LINGO2: variants seen among roughly 807,000 people sequenced by gnomAD.
LINGO2 encodes the protein leucine rich repeat and Ig domain containing 2.
A neutral mutation model predicts 30.6 loss-of-function variants in LINGO2; 14 were observed. That is an observed-to-expected ratio of 0.46 (90% confidence interval 0.30 to 0.72). The LOEUF is 0.72. Among genes scored for constraint, LINGO2 ranks in the 30% least tolerant of loss-of-function variants. The pLI, the probability that LINGO2 is intolerant of heterozygous loss-of-function variation, is 0.07. For missense variants in LINGO2, 729 were observed against 751.7 expected (o/e 0.97, Z 0.35); for synonymous variants, 317 against 288.5 (o/e 1.10, Z -1.00).
chr9:28,016,706 CCAA>C (rs1393527738), intron 4 of LINGO2, among the ~76,000 whole-genome samples: 1 of 146,482 alleles, frequency 6.8e-6, no homozygotes, highest in East Asian at 2.0e-4. Flanking sequence ...AAAAAGCCTA[CCAA>C]CCCACAAAAA....
At chr9:28,397,648 C>T (rs1218534346) in intron 2 of LINGO2, among the ~76,000 whole-genome samples, 1 of 148,724 alleles carries the variant, frequency 6.7e-6, no homozygotes, top group Non-Finnish European at 1.5e-5. Context: ...CCCGGGTTCA[C>T]ACCATTCTCC....
At chr9:28,863,128 C>A in the LINGO2 span, among the ~76,000 whole-genome samples, 1 of 151,932 alleles carries the variant, frequency 6.6e-6, no homozygotes, top group African/African-American at 2.4e-5. Flanking sequence ...TTTTTGCCCA[C>A]ACCAATGTTT....
the LINGO2 span, among the ~76,000 whole-genome samples, chr9:29,167,693 C>T: frequency 1.3e-5 from 2 of 152,148 alleles, no homozygotes; most frequent in African/African-American, 4.8e-5. Context: ...TCACTACATA[C>T]TGTTGAGCTA....
At position 28,561,750 on chromosome 9, in the gene LINGO2, T is replaced by TGTGTATAC. The variant is rs1491095820; in HGVS notation, c.-364-85726_-364-85725insGTATACAC. On this transcript the variant is annotated intron_variant, in intron 1 of 5. Transcript: ENST00000379992. ...ATATATAATTTTGTGTGTGTGTGTG[T>TGTGTATAC]ATATATATATATATATATATATATA... 4.2e-4 allele frequency among the ~76,000 whole-genome samples: 2 copies of TGTGTATAC among 4,726 alleles called. 1 individual carries two copies. The highest frequency in any genetic ancestry group is 0.14 in the East Asian group (2 of 14). The allele number at this position is 4,726 out of a possible 152,430, so 3.1% of individuals were successfully genotyped here. A position where few individuals can be genotyped will look rare whatever the true frequency, so the allele number is the denominator to read the frequency against.
chr9:27,999,436 C>CAGAG (rs36216761), intron 5 of LINGO2, among the ~76,000 whole-genome samples: 6,304 of 143,686 alleles, frequency 0.044, 161 homozygotes, highest in Middle Eastern at 0.071. Context: ...GCCTAATCTT[C>CAGAG]AGAGAGAGAG....
At chr9:28,909,946 C>T in the LINGO2 span, among the ~76,000 whole-genome samples, 1 of 151,972 alleles carries the variant, frequency 6.6e-6, no homozygotes, top group Non-Finnish European at 1.5e-5. Context: ...AATACAGAAA[C>T]AATTGCAAGA....
At chr9:28,734,430 T>C in the LINGO2 span, among the ~76,000 whole-genome samples, 2 of 152,180 alleles carry the variant, frequency 1.3e-5, no homozygotes, top group African/African-American at 2.4e-5. Context: ...TGGACCTCAG[T>C]TGACGGCAGG....
At chr9:27,946,640 T>C (rs1376906640), downstream of LINGO2, among the ~76,000 whole-genome samples, 1 of 152,174 alleles carries the variant, frequency 6.6e-6, no homozygotes, top group Non-Finnish European at 1.5e-5. Flanking sequence ...CTCTAACAGT[T>C]CATTTTTAAA....
At chr9:28,188,044 C>T (rs970026184) in intron 4 of LINGO2, among the ~76,000 whole-genome samples, 2 of 152,136 alleles carry the variant, frequency 1.3e-5, no homozygotes, top group Non-Finnish European at 2.9e-5. Flanking sequence ...AGAATAGGCT[C>T]GTTAATCCTT....
At chr9:28,218,420 G>C (rs1033310483) in intron 4 of LINGO2, among the ~76,000 whole-genome samples, 1 of 151,816 alleles carries the variant, frequency 6.6e-6, no homozygotes, top group African/African-American at 2.4e-5. Flanking sequence ...ATCTTGGCCA[G>C]TCTGCTTCCT....
chr9:28,898,519 C>G, the LINGO2 span, among the ~76,000 whole-genome samples: 1 of 152,064 alleles, frequency 6.6e-6, no homozygotes, highest in Non-Finnish European at 1.5e-5. Context: ...TTTCCGTCAG[C>G]CAGATTTTAT....
At chr9:29,108,803 T>C in the LINGO2 span, among the ~76,000 whole-genome samples, 1 of 152,144 alleles carries the variant, frequency 6.6e-6, no homozygotes, top group South Asian at 2.1e-4. Context: ...ACCAACACTG[T>C]GTTGGGGGTT....
chr9:29,180,317 T>A, the LINGO2 span, among the ~76,000 whole-genome samples: 1 of 152,216 alleles, frequency 6.6e-6, no homozygotes, highest in South Asian at 2.1e-4. Flanking sequence ...TATGCATCTA[T>A]TAGATTTTAG....
At chr9:28,487,744 T>G (rs1348126882) in intron 1 of LINGO2, among the ~76,000 whole-genome samples, 1 of 152,158 alleles carries the variant, frequency 6.6e-6, no homozygotes, top group Non-Finnish European at 1.5e-5. Flanking sequence ...TCAGACTTGA[T>G]CCTAATTTAT....
At chr9:28,189,329 GAGGAAGGAAGGAAGGGAGGA>G (rs1819678999) in intron 4 of LINGO2, among the ~76,000 whole-genome samples, 1 of 15,928 alleles carries the variant, frequency 6.3e-5, no homozygotes, top group Non-Finnish European at 1.2e-4. Flanking sequence ...GGAAGGGAGG[GAGGAAGGAAGGAAGGGAGGA>G]AGGAAGGGAG....
intron 4 of LINGO2, among the ~76,000 whole-genome samples, chr9:28,054,576 G>A (rs577203356): frequency 6.6e-6 from 1 of 152,106 alleles, no homozygotes; most frequent in African/African-American, 2.4e-5. Flanking sequence ...AATTTTAGAA[G>A]AAAAACTTAC....
At chr9:29,122,533 TTCA>T in the LINGO2 span, among the ~76,000 whole-genome samples, 1 of 151,944 alleles carries the variant, frequency 6.6e-6, no homozygotes, top group Non-Finnish European at 1.5e-5. Flanking sequence ...TGTGTAACTT[TTCA>T]TCAAATATGT....
At chr9:29,149,586 CT>C in the LINGO2 span, among the ~76,000 whole-genome samples, 1 of 151,846 alleles carries the variant, frequency 6.6e-6, no homozygotes, top group Non-Finnish European at 1.5e-5. Context: ...GTTTCCACCC[CT>C]GAACAGCTCC....
At chr9:28,610,834 C>G (rs1441928996) in intron 1 of LINGO2, among the ~76,000 whole-genome samples, 5 of 152,142 alleles carry the variant, frequency 3.3e-5, no homozygotes, top group Non-Finnish European at 7.4e-5. Context: ...GTCAAGTAAT[C>G]ACTTTCTCCA....
Sources: gnomAD v4.1 joint callset for allele counts (sites outside exome capture counted in the v4.1 genomes callset) on GRCh38, gnomAD v4.1.1 for gene constraint, MANE v1.5 for transcripts, NCBI Gene and HGNC (gene_info 2026-07-23, HGNC 2026-07-21) for gene names.